Variants in UCHL3 observed in about 807,000 individuals in gnomAD.
The protein encoded by UCHL3 is ubiquitin carboxyl-terminal hydrolase isozyme L3.
Under a neutral mutation model 35.8 loss-of-function variants are expected in UCHL3, and 22 were observed. That is an observed-to-expected ratio of 0.61 (90% CI 0.44 to 0.88). The LOEUF is 0.88. Among genes scored for constraint, UCHL3 ranks in the 40% least tolerant of loss-of-function variants. UCHL3 has a pLI of 0.00. For missense variants in UCHL3, 229 were observed against 276.9 expected, an observed-to-expected ratio of 0.83 and a Z score of 1.23; for synonymous variants, 90 against 92.8, an observed-to-expected ratio of 0.97 and a Z score of 0.17.
At chr13:75,590,794 TTC>T (rs1395600283) in intron 6 of UCHL3, among the ~76,000 whole-genome samples, 3 of 152,188 alleles carry the variant, frequency 2.0e-5, no homozygotes, top group African/African-American at 7.2e-5. Context: ...AATTTATGAT[TTC>T]TCTTTCATAG....
chr13:75,579,889 G>A (rs1487700681), intron 6 of UCHL3, among the ~76,000 whole-genome samples: 2 of 152,094 alleles, frequency 1.3e-5, no homozygotes, highest in East Asian at 1.9e-4. Context: ...CTCTCAAACT[G>A]TAAAGAAAAT....
chr13:75,583,258 T>C (rs982860690), intron 6 of UCHL3, among the ~76,000 whole-genome samples: 1 of 152,188 alleles, frequency 6.6e-6, no homozygotes, highest in Admixed American at 6.5e-5. Flanking sequence ...CTATCCTATT[T>C]TGAATGTTGT....
intron 2 of UCHL3, among the ~76,000 whole-genome samples, chr13:75,552,508 G>A (rs2031147419): frequency 1.3e-5 from 2 of 152,206 alleles, no homozygotes; most frequent in Non-Finnish European, 2.9e-5. Context: ...TCTACTATAT[G>A]CAGATGAGTA....
At chr13:75,550,952 A>G (rs1297115575) in intron 2 of UCHL3, among the ~76,000 whole-genome samples, 3 of 152,166 alleles carry the variant, frequency 2.0e-5, no homozygotes, top group Non-Finnish European at 4.4e-5. Context: ...TTTCACCATT[A>G]AATATGTTAG....
At chr13:75,559,617 G>A (rs2031424632) in intron 2 of UCHL3, among the ~76,000 whole-genome samples, 1 of 152,148 alleles carries the variant, frequency 6.6e-6, no homozygotes, top group African/African-American at 2.4e-5. Flanking sequence ...TACGTGTCAT[G>A]GCTTCCACTG....
At chr13:75,568,884 T>C (rs536582156) in intron 5 of UCHL3, among the ~76,000 whole-genome samples, 1 of 152,344 alleles carries the variant, frequency 6.6e-6, no homozygotes, top group South Asian at 2.1e-4. Context: ...TACTTTCACC[T>C]GTAATTTACT....
At chr13:75,584,080 C>G (rs559082369) in intron 6 of UCHL3, among the ~76,000 whole-genome samples, 14 of 152,282 alleles carry the variant, frequency 9.2e-5, no homozygotes, top group African/African-American at 3.4e-4. Flanking sequence ...GACCTTGAGA[C>G]AGAAAACCTT....
At position 75,566,986 on chromosome 13, in the gene UCHL3, A is replaced by G. The variant is rs376340085; in HGVS notation, c.340+135A>G. ...CCTGCTTCCTTGATGATGGGAATGTATATACTGTTAGAAGAAATATTAATC... is the reference window on the plus strand; with the variant it reads ...CCTGCTTCCTTGATGATGGGAATGTGTATACTGTTAGAAGAAATATTAATC... On this transcript the variant is annotated intron_variant, in intron 4 of 8. Coordinates refer to ENST00000377595, the MANE Select transcript of UCHL3 (RefSeq NM_006002.5). 21 of 1,062,774 alleles carry G rather than the reference A, an allele frequency of 2.0e-5. No individual in the cohort carries two copies. In the East Asian group the frequency reaches 3.0e-4, roughly 15 times the overall value. The allele number at this position is 1,062,774 out of a possible 1,614,324, so 65.8% of individuals were successfully genotyped here.
chr13:75,555,743 A>C (rs1411409951), intron 2 of UCHL3, among the ~76,000 whole-genome samples: 5 of 152,096 alleles, frequency 3.3e-5, no homozygotes, highest in Admixed American at 3.3e-4. Context: ...CTCTTTAAAA[A>C]ACTCTTTAAA....
chr13:75,582,424 T>G (rs1393330327), intron 6 of UCHL3, among the ~76,000 whole-genome samples: 1 of 152,330 alleles, frequency 6.6e-6, no homozygotes, highest in South Asian at 2.1e-4. Context: ...CACATTATAC[T>G]GTTGCAGTGC....
chr13:75,602,433 C>G (rs1359770805), intron 7 of UCHL3, among the ~76,000 whole-genome samples: 1 of 152,170 alleles, frequency 6.6e-6, no homozygotes, highest in Admixed American at 6.6e-5. Context: ...GTGGCACAGC[C>G]CGTTTGGACT....
chr13:75,605,718 T>TCC lies in UCHL3; in HGVS notation c.610-11_610-10insCC. 1 of 1,610,850 alleles carries TCC rather than the reference T, an allele frequency of 6.2e-7. No individual in the cohort carries two copies. Among genetic ancestry groups the TCC allele is most frequent in the Non-Finnish European group, 8.5e-7 (1 of 1,178,814 alleles). On this transcript the variant is annotated splice_polypyrimidine_tract_variant and intron_variant, in intron 8 of 8. Transcript: ENST00000377595. ...ACACTGAAAAATCATACTTTTTTTT[T>TCC]TCCTCCATAGGATGCCATAGAAGTT...
rs1566228201 is a variant in UCHL3 at position 75,592,453 on chromosome 13, T to TATAC, written c.475-2459_475-2458insCATA. On this transcript the variant is annotated intron_variant, in intron 6 of 8. Transcript: ENST00000377595. Reference sequence around the variant, plus strand: ...ATATATATATATATATATATATATATATATATATATATATGAAGGAAAAAA... The same window carrying TATAC: ...ATATATATATATATATATATATATATATACATATATATATATATGAAGGAAAAAA... Among the ~76,000 whole-genome samples the TATAC allele has an allele frequency of 2.3e-4, 23 of 102,186 alleles. 1 individual carries two copies. Among genetic ancestry groups the TATAC allele is most frequent in the Non-Finnish European group, 3.1e-4 (14 of 45,692 alleles). 67.0% of individuals were successfully genotyped at this position (102,186 alleles called of 152,430 possible). A position where few individuals can be genotyped will look rare whatever the true frequency, so the allele number is the denominator to read the frequency against.
chr13:75,558,203 T>C (rs1242325531), intron 2 of UCHL3, among the ~76,000 whole-genome samples: 2 of 152,206 alleles, frequency 1.3e-5, no homozygotes, highest in African/African-American at 4.8e-5. Flanking sequence ...TTAAAAAGCA[T>C]GATTCTGGTT....
chr13:75,577,970 A>G (rs2138522545), intron 6 of UCHL3, among the ~76,000 whole-genome samples: 2 of 152,162 alleles, frequency 1.3e-5, no homozygotes, highest in Admixed American at 1.3e-4. Flanking sequence ...GAACCCCCCC[A>G]TGTAAATTAA....
chr13:75,559,329 C>A (rs555125331), intron 2 of UCHL3, among the ~76,000 whole-genome samples: 1 of 152,054 alleles, frequency 6.6e-6, no homozygotes, highest in Non-Finnish European at 1.5e-5. Flanking sequence ...CGTGAGCCAC[C>A]GCGCCCGGCC....
rs2032933450 is a variant in UCHL3 at position 75,605,914 on chromosome 13, T to A, written c.*102T>A. ...TTGATATTTTCATTAACTTGATGAT[T>A]AAACTTTATGTGAGTTAAACTTTGC... On this transcript the variant is annotated 3_prime_UTR_variant, in exon 9 of 9. Transcript: ENST00000377595. 1 of 1,163,154 alleles carries A rather than the reference T, an allele frequency of 8.6e-7. No homozygotes were observed. The highest frequency in any genetic ancestry group is 1.3e-6 in the Non-Finnish European group (1 of 798,606). 72.1% of individuals were successfully genotyped at this position (1,163,154 alleles called of 1,614,324 possible).
At chr13:75,581,379 C>G (rs546316327) in intron 6 of UCHL3, among the ~76,000 whole-genome samples, 1 of 151,050 alleles carries the variant, frequency 6.6e-6, no homozygotes, top group Non-Finnish European at 1.5e-5. Context: ...AGACAGGGTC[C>G]CATTCTGTTG....
intron 6 of UCHL3, among the ~76,000 whole-genome samples, chr13:75,575,295 C>T (rs9318358): frequency 0.57 from 87,393 of 152,034 alleles, 26,940 homozygotes; most frequent in Non-Finnish European, 0.69. Context: ...AGTAGCCCCA[C>T]CTCACTTATG....
Sources: gnomAD v4.1 joint callset for allele counts (sites outside exome capture counted in the v4.1 genomes callset) on GRCh38, gnomAD v4.1.1 for gene constraint, MANE v1.5 for transcripts, NCBI Gene and HGNC (gene_info 2026-07-23, HGNC 2026-07-21) for gene names.